CROCC: variants seen among roughly 807,000 people sequenced by gnomAD.
CROCC encodes the protein rootletin.
Under a neutral mutation model 245.2 loss-of-function variants are expected in CROCC, and 180 were observed. The observed-to-expected ratio is 0.73, with a 90% confidence interval of 0.65 to 0.83. CROCC has a LOEUF of 0.83. CROCC is among the 40% of genes least tolerant of loss of function. The pLI is 0.00. For missense variants in CROCC, 2,688 were observed against 2,779.4 expected (o/e 0.97, Z 0.74); for synonymous variants, 1,205 against 1,241.6 (o/e 0.97, Z 0.62).
At chr1:16,915,985 CCTGGCCAATACA>C (rs2075298776) in intron 1 of CROCC, among the ~76,000 whole-genome samples, 1 of 152,238 alleles carries the variant, frequency 6.6e-6, no homozygotes, top group African/African-American at 2.4e-5. Context: ...TTAAGACCAG[CCTGGCCAATACA>C]GTGAAACCTC....
intron 11 of CROCC, 46 bp from the exon 12 acceptor site, chr1:16,938,863 G>C (rs1288511055): frequency 6.3e-7 from 1 of 1,577,296 alleles, no homozygotes; most frequent in Admixed American, 1.8e-5. Flanking sequence ...TAACCCCGCG[G>C]TTCCTAACTC....
chr1:16,950,355 G>A (rs773774237), intron 19 of CROCC, among the ~76,000 whole-genome samples: 1 of 144,942 alleles, frequency 6.9e-6, no homozygotes, highest in Non-Finnish European at 1.5e-5. Context: ...GAGCCACTGC[G>A]CCCGGCCTAT....
rs1247276059 is a variant in CROCC, at chr1:16,955,278, A to G, written c.3466-34A>G. Reference sequence around the variant, plus strand: ...ACCCAGCTTGACGGGGGGGTCCCTGACCGCTGCCCTGGGGACACCTGCTGT... The same window carrying G: ...ACCCAGCTTGACGGGGGGGTCCCTGGCCGCTGCCCTGGGGACACCTGCTGT... On this transcript the variant is annotated intron_variant, in intron 23 of 36. Coordinates refer to ENST00000375541, the MANE Select transcript of CROCC (RefSeq NM_014675.5). The G allele has an allele frequency of 5.0e-6, 8 of 1,594,480 alleles. No individual in the cohort carries two copies. In the African/African-American group the frequency reaches 1.1e-4, roughly 21 times the overall value.
rs1254279857 is a variant in CROCC, at chr1:16,969,891, T to G, written c.5408T>G (p.Leu1803Arg). The G allele has an allele frequency of 1.9e-6, 3 of 1,609,916 alleles. No individual in the cohort carries two copies. The highest frequency in any genetic ancestry group is 2.5e-6 in the Non-Finnish European group (3 of 1,178,072). The stretch of plus-strand genomic sequence containing the variant: ...CGAGGCGAGGTGGCTGACCTGGAAC[T>G]GCAGCGGGTGGAGGCCGAGGGCCAG... ...TLRGEVADLE[L>R]QRVEAEGQLQ... The change falls in exon 33 of 37, where the codon CTG (leucine) becomes CGG (arginine). Residue 1803 changes from leucine to arginine, a missense_variant. Around this residue, in one of 9 missense-constraint regions of CROCC, gnomAD observed 1,218 missense variants for 1,286.3 expected, o/e 0.95. Transcript: ENST00000375541.
Position 16,954,706 on chromosome 1 carries a change from C to T in CROCC, c.3322-28C>T. 6.5e-7 allele frequency: 1 copy of T among 1,531,296 alleles called. No individual in the cohort carries two copies. The allele number at this position is 1,531,296 out of a possible 1,614,324, so 94.9% of individuals were successfully genotyped here. A position where few individuals can be genotyped will look rare whatever the true frequency, so the allele number is the denominator to read the frequency against. On this transcript the variant is annotated intron_variant, in intron 22 of 36. Coordinates refer to ENST00000375541, the MANE Select transcript of CROCC (RefSeq NM_014675.5). The surrounding 1 kb of genome is among the most constrained non-coding windows in gnomAD (Gnocchi z 4.4). ...CCCGGGGCTGGGGGACACAGCAGGA[C>T]CAAGTCTGAGGAGCCCCTCTGTCCC...
chr1:16,931,562 C>T (rs1326403051), intron 8 of CROCC, among the ~76,000 whole-genome samples, 165 bp downstream of exon 8: 1 of 152,272 alleles, frequency 6.6e-6, no homozygotes, highest in Non-Finnish European at 1.5e-5. Flanking sequence ...TCGTGGCAGT[C>T]AGCATTTATT....
At chr1:16,965,583 G>C in intron 27 of CROCC, 140 bp from the exon 28 acceptor site, 1 of 694,730 alleles carries the variant, frequency 1.4e-6, no homozygotes, top group Non-Finnish European at 2.5e-6. Flanking sequence ...AGCTGGGATG[G>C]GCAAGAAGAC....
At chr1:16,920,461 G>A (rs2075380372), upstream of CROCC, among the ~76,000 whole-genome samples, 1 of 152,212 alleles carries the variant, frequency 6.6e-6, no homozygotes, top group South Asian at 2.1e-4. Context: ...CCAAAGTGCT[G>A]GAATTAGAGG....
Position 16,954,707 on chromosome 1 carries a change from C to A in CROCC, c.3322-27C>A, listed in dbSNP as rs545365702. ...CCGGGGCTGGGGGACACAGCAGGAC[C>A]AAGTCTGAGGAGCCCCTCTGTCCCA... On this transcript the variant is annotated intron_variant, in intron 22 of 36. Transcript: ENST00000375541. This position sits in a 1 kb window ranked among gnomAD's most constrained non-coding sequence, Gnocchi z 4.4. The A allele has an allele frequency of 7.8e-6, 12 of 1,531,602 alleles. No homozygotes were observed. In the African/African-American group the frequency reaches 9.6e-5, roughly 12 times the overall value. The allele number at this position is 1,531,602 out of a possible 1,614,324, so 94.9% of individuals were successfully genotyped here.
intron 8 of CROCC, among the ~76,000 whole-genome samples, chr1:16,932,964 A>T (rs1425913186): frequency 1.3e-5 from 2 of 152,268 alleles, no homozygotes; most frequent in African/African-American, 4.8e-5. Context: ...GGTGCATGCC[A>T]CCAGGCTTGC....
In CROCC at chr1:16,969,866, C is replaced by G. The variant is rs79354809; in HGVS notation, c.5383C>G (p.Arg1795Gly). Residue 1795 changes from arginine to glycine, a missense_variant, in exon 33 of 37, where the codon CGA becomes GGA. By Grantham distance (125) the Arg-to-Gly change is moderately radical (BLOSUM62 -2). Coordinates refer to ENST00000375541, the MANE Select transcript of CROCC (RefSeq NM_014675.5). ...SSLGEQVQTL[R>G]GEVADLELQR... ...CCTGGGCGAGCAGGTGCAGACGTTG[C>G]GAGGCGAGGTGGCTGACCTGGAACT... 7,690 of 1,611,628 alleles carry G rather than the reference C, an allele frequency of 4.8e-3. 183 individuals carry two copies. In the East Asian group the frequency reaches 0.076, roughly 16 times the overall value.
rs748661217 is a variant in CROCC at position 16,965,724 on chromosome 1, A to C, written c.4407A>C (p.Gly1469=). 1 of 1,602,870 alleles carries C rather than the reference A, an allele frequency of 6.2e-7. No individual in the cohort carries two copies. Among genetic ancestry groups the C allele is most frequent in the South Asian group, 1.1e-5 (1 of 90,786 alleles). The change falls in exon 28 of 37, where the codon GGA becomes GGC. Residue 1469 remains glycine, a splice_region_variant and synonymous_variant. Transcript: ENST00000375541. ...GSPARDAPAE[G]SGEGLNSPST... ...GAGCAAGTCTTCTTTCTCTTCTAGG[A>C]AGCGGGGAAGGGCTCAACAGCCCCA...
At chr1:16,925,117 G>A (rs1304927707) in intron 3 of CROCC, among the ~76,000 whole-genome samples, 1 of 152,290 alleles carries the variant, frequency 6.6e-6, no homozygotes, top group Non-Finnish European at 1.5e-5. Flanking sequence ...TTGATGCACT[G>A]TCTGCTTTGG....
At chr1:16,949,890 C>T (rs1405413652) in intron 19 of CROCC, among the ~76,000 whole-genome samples, 1 of 151,988 alleles carries the variant, frequency 6.6e-6, no homozygotes, top group Non-Finnish European at 1.5e-5. Flanking sequence ...CTGCCTCAGC[C>T]TCCCAAGTAG....
chr1:16,918,747 T>G (rs1477047166), upstream of CROCC, among the ~76,000 whole-genome samples: 11 of 149,520 alleles, frequency 7.4e-5, no homozygotes, highest in East Asian at 1.2e-3. Context: ...TGTTTTTGTT[T>G]TTTTTTTGAG....
At position 16,970,104 on chromosome 1, in the gene CROCC, G is replaced by GGTTTGGCTTC; in HGVS notation, c.5452-149_5452-148insGTTTGGCTTC. On this transcript the variant is annotated intron_variant, in intron 33 of 36. Transcript: ENST00000375541. ...TTATACAGATGGAGAAACAGACTGA[G>GGTTTGGCTTC]AGAGACAGGTTTGGCTTCAGGTGAC... 4 of 1,187,354 alleles carry GGTTTGGCTTC rather than the reference G, an allele frequency of 3.4e-6. No individual in the cohort carries two copies. In the South Asian group the frequency reaches 6.4e-5, roughly 19 times the overall value. 73.6% of individuals were successfully genotyped at this position (1,187,354 alleles called of 1,614,324 possible). A position where few individuals can be genotyped will look rare whatever the true frequency, so the allele number is the denominator to read the frequency against.
At chr1:16,937,760 A>T in intron 10 of CROCC, 23 bp downstream of exon 10, 1 of 1,575,032 alleles carries the variant, frequency 6.3e-7, no homozygotes. Flanking sequence ...TGCCCCTGAG[A>T]TGGGGCAGGG....
intron 21 of CROCC, chr1:16,953,735 T>C (rs2076202964): frequency 2.2e-6 from 1 of 455,542 alleles, no homozygotes; most frequent in Non-Finnish European, 3.9e-6. Context: ...TGTTCCATAT[T>C]CTCCCATGCC....
At chr1:16,940,310 G>A (rs1220166768) in intron 13 of CROCC, among the ~76,000 whole-genome samples, 1 of 149,714 alleles carries the variant, frequency 6.7e-6, no homozygotes, top group Non-Finnish European at 1.5e-5. Flanking sequence ...TGCAAGCGCC[G>A]CCTCCTGGGT....
Sources: allele counts gnomAD v4.1 joint callset (sites outside exome capture counted in the v4.1 genomes callset), GRCh38; gene constraint gnomAD v4.1.1; regional missense constraint gnomAD v4.1.1; non-coding constraint Gnocchi (gnomAD v3.1); transcripts MANE v1.5; gene names NCBI Gene and HGNC (gene_info 2026-07-23, HGNC 2026-07-21).